Variants in CCDC3 observed in about 807,000 individuals in gnomAD.
CCDC3 encodes coiled-coil domain-containing protein 3.
In CCDC3, 24 loss-of-function variants were observed where a neutral mutation model predicts 21.4. That is an observed-to-expected ratio of 1.12 (90% confidence interval 0.81 to 1.58). CCDC3 has a LOEUF of 1.58. Among genes scored for constraint, CCDC3 ranks in the 40% most tolerant of loss-of-function variants. CCDC3 has a pLI of 0.00. For synonymous variants in CCDC3, 186 were observed against 166.0 expected (o/e 1.12, Z -0.93); for missense variants, 425 against 360.9 (o/e 1.18, Z -1.44).
At chr10:12,933,829 T>TAA (rs1379406877) in intron 2 of CCDC3, among the ~76,000 whole-genome samples, 1 of 152,186 alleles carries the variant, frequency 6.6e-6, no homozygotes, top group African/African-American at 2.4e-5. Context: ...TATTTGATAG[T>TAA]AAATAACATG....
chr10:12,963,673 C>T (rs765985998), intron 2 of CCDC3, among the ~76,000 whole-genome samples: 1 of 149,524 alleles, frequency 6.7e-6, no homozygotes, highest in South Asian at 2.1e-4. Context: ...CTCCTTCTCC[C>T]GGATTCAAGT....
chr10:13,077,567 A>G (rs1298372357), intron 3 of CCDC3, among the ~76,000 whole-genome samples: 1 of 152,192 alleles, frequency 6.6e-6, no homozygotes, highest in Non-Finnish European at 1.5e-5. Context: ...CCTAAGCCAA[A>G]AGAACAAAGC....
At chr10:12,916,366 A>C (rs938360278) in intron 2 of CCDC3, among the ~76,000 whole-genome samples, 6 of 145,392 alleles carry the variant, frequency 4.1e-5, no homozygotes, top group Non-Finnish European at 7.5e-5. Flanking sequence ...TGGGAGGCGG[A>C]GGTTGAGCTG....
chr10:13,068,784 T>C (rs1314441913), intron 4 of CCDC3, among the ~76,000 whole-genome samples: 1 of 152,212 alleles, frequency 6.6e-6, no homozygotes, highest in Non-Finnish European at 1.5e-5. Flanking sequence ...CATTATAACA[T>C]GTAACTGAAA....
chr10:12,935,853 A>G (rs1046460497), intron 2 of CCDC3, among the ~76,000 whole-genome samples: 1 of 152,040 alleles, frequency 6.6e-6, no homozygotes, highest in Admixed American at 6.6e-5. Flanking sequence ...CTTTCAAGTA[A>G]CACTACACTG....
intron 2 of CCDC3, among the ~76,000 whole-genome samples, chr10:12,944,227 C>A (rs1274433814): frequency 6.6e-6 from 1 of 152,178 alleles, no homozygotes; most frequent in African/African-American, 2.4e-5. Context: ...GAATCTCCTT[C>A]CCTTACTAGA....
At chr10:13,072,774 A>G (rs978256887) in intron 4 of CCDC3, among the ~76,000 whole-genome samples, 7 of 151,916 alleles carry the variant, frequency 4.6e-5, no homozygotes, top group Admixed American at 4.6e-4. Context: ...ACATGAACCC[A>G]GTTTTAGCTG....
chr10:12,910,200 G>A (rs1834245222), intron 2 of CCDC3, among the ~76,000 whole-genome samples: 1 of 152,222 alleles, frequency 6.6e-6, no homozygotes, highest in African/African-American at 2.4e-5. Flanking sequence ...TAGCCCTAGA[G>A]CTGACTCTCC....
At chr10:13,096,900 C>T (rs1246616541) in intron 3 of CCDC3, among the ~76,000 whole-genome samples, 3 of 152,172 alleles carry the variant, frequency 2.0e-5, no homozygotes, top group African/African-American at 7.2e-5. Context: ...CTCCACCCCA[C>T]CCAGCTCTGG....
intron 2 of CCDC3, among the ~76,000 whole-genome samples, chr10:12,983,173 T>TATATATATAA (rs1835533437): frequency 7.1e-6 from 1 of 140,732 alleles, no homozygotes; most frequent in Non-Finnish European, 1.5e-5. Flanking sequence ...TATATATATA[T>TATATATATAA]AAAATCTATA....
intron 2 of CCDC3, among the ~76,000 whole-genome samples, chr10:12,981,887 G>T (rs139025565): frequency 0.02 from 3,008 of 151,974 alleles, 91 homozygotes; most frequent in African/African-American, 0.068. Flanking sequence ...CACTTTGGGA[G>T]GCTGAGACAG....
At position 13,000,920 on chromosome 10, in the gene CCDC3, G is replaced by A. The variant is rs192555137; in HGVS notation, c.374+277C>T. Reference sequence around the variant, plus strand: ...ACCCAAGTCAAAGGGACTGTTGGAGGGCGCTTTGAGCTTCTGTCTGCAATG... The same window carrying A: ...ACCCAAGTCAAAGGGACTGTTGGAGAGCGCTTTGAGCTTCTGTCTGCAATG... On this transcript the variant is annotated intron_variant, in intron 1 of 2. Coordinates refer to ENST00000378825, the MANE Select transcript of CCDC3 (RefSeq NM_031455.4). Among the ~76,000 whole-genome samples the A allele has an allele frequency of 9.7e-4, 148 of 152,232 alleles. 3 individuals carry two copies. The Middle Eastern group carries it at 0.01, about 10-fold the overall frequency.
chr10:12,967,313 T>C (rs947015955), intron 2 of CCDC3, among the ~76,000 whole-genome samples: 3 of 152,192 alleles, frequency 2.0e-5, no homozygotes, highest in African/African-American at 7.2e-5. Flanking sequence ...TTTGGTGGTG[T>C]TATAATCTCC....
rs963120391 is a variant in CCDC3 at position 12,969,743 on chromosome 10, T to A, written c.549+28595A>T. Among the ~76,000 whole-genome samples, 7 of 149,682 alleles carry A rather than the reference T, an allele frequency of 4.7e-5. No homozygotes were observed. The East Asian group carries it at 7.7e-4, about 17-fold the overall frequency. ...TTAATATTTAATATTCTAATATTTT[T>A]AAAAAATATTTTTAAGATATTCATT... On this transcript the variant is annotated intron_variant, in intron 2 of 2. Transcript: ENST00000378825.
intron 4 of CCDC3, among the ~76,000 whole-genome samples, chr10:13,061,305 T>C (rs1836754806): frequency 6.6e-6 from 1 of 152,230 alleles, no homozygotes; most frequent in Non-Finnish European, 1.5e-5. Flanking sequence ...GGTGATGATC[T>C]ACCTAACAGT....
At chr10:12,910,190 T>C (rs536785266) in intron 2 of CCDC3, among the ~76,000 whole-genome samples, 4 of 152,340 alleles carry the variant, frequency 2.6e-5, no homozygotes, top group African/African-American at 4.8e-5. Context: ...GGAGTTGAGA[T>C]AGCCCTAGAG....
At chr10:12,985,704 A>G (rs901506419) in intron 2 of CCDC3, among the ~76,000 whole-genome samples, 5 of 152,234 alleles carry the variant, frequency 3.3e-5, no homozygotes, top group African/African-American at 1.2e-4. Context: ...AACACCTGAA[A>G]TAACATTATA....
At chr10:13,072,858 C>CTTTTTTTTT (rs1482745185) in intron 4 of CCDC3, among the ~76,000 whole-genome samples, 1 of 96,728 alleles carries the variant, frequency 1.0e-5, no homozygotes, top group Non-Finnish European at 2.0e-5. Flanking sequence ...CTTTTCTTTT[C>CTTTTTTTTT]TTTTCTTTCT....
chr10:13,011,615 G>T (rs1256872215), intron 5 of CCDC3, among the ~76,000 whole-genome samples: 1 of 152,092 alleles, frequency 6.6e-6, no homozygotes, highest in Non-Finnish European at 1.5e-5. Context: ...TATATAAAAT[G>T]CTATAATGCC....
Sources: allele counts gnomAD v4.1 joint callset (sites outside exome capture counted in the v4.1 genomes callset), GRCh38; gene constraint gnomAD v4.1.1; transcripts MANE v1.5; gene names NCBI Gene and HGNC (gene_info 2026-07-23, HGNC 2026-07-21).